TMEM38B: variants seen among roughly 807,000 people sequenced by gnomAD.
The protein encoded by TMEM38B is trimeric intracellular cation channel type B.
Under a neutral mutation model 28.7 loss-of-function variants are expected in TMEM38B, and 24 were observed. The ratio of observed to expected loss-of-function variants is 0.84; its 90% confidence interval spans 0.61 to 1.18. The LOEUF (loss-of-function observed/expected upper bound fraction) is 1.18. Among genes scored for constraint, TMEM38B ranks in the 50% most tolerant of loss-of-function variants. The pLI is 0.00. For synonymous variants in TMEM38B, 131 were observed against 127.7 expected (o/e 1.03, Z -0.17); for missense variants, 380 against 350.9 (o/e 1.08, Z -0.66).
intron 5 of TMEM38B, among the ~76,000 whole-genome samples, chr9:105,762,258 A>T (rs55831325): frequency 0.1 from 15,746 of 151,510 alleles, 1,263 homozygotes; most frequent in East Asian, 0.46. Context: ...TTTTTTTTTT[A>T]AATTTATTAT....
At chr9:105,722,471 C>T (rs1200905816) in intron 3 of TMEM38B, 63 bp from the exon 4 acceptor site, 8 of 1,255,688 alleles carry the variant, frequency 6.4e-6, no homozygotes, top group Non-Finnish European at 9.3e-6. Context: ...ATTATGGCTC[C>T]CTTTAAATAT....
In TMEM38B at chr9:105,694,764, G is replaced by A. The variant is rs533512053; in HGVS notation, c.104G>A (p.Arg35His). The A allele has an allele frequency of 1.2e-6, 2 of 1,611,554 alleles. No homozygotes were observed. Among genetic ancestry groups the A allele is most frequent in the South Asian group, 2.2e-5 (2 of 90,966 alleles). The change falls in exon 1 of 6, where the codon CGT (arginine) becomes CAT (histidine). Residue 35 changes from arginine to histidine, a missense_variant. Arg to His is a conservative substitution (Grantham distance 29). Transcript: ENST00000374692. Reference protein sequence around the residue: ...HYLVSVMAVKRQPGAAALAWK... With the variant: ...HYLVSVMAVKHQPGAAALAWK... ...CTAGTGTCAGTGATGGCGGTGAAAC[G>A]TCAGCCGGGTGAGTGCGGGGCGCCG...
Position 105,721,568 on chromosome 9 carries a change from G to C in TMEM38B, c.301G>C (p.Val101Leu), listed in dbSNP as rs772484301. Reference protein sequence around the residue: ...YITFFCPHDLVSQGYSYLPVQ... With the variant: ...YITFFCPHDLLSQGYSYLPVQ... ...TACATTTTTTTGCCCGCATGACCTA[G>C]TTTCCCAGGGCTATTCATATCTACC... The change falls in exon 3 of 6, where the codon GTT becomes CTT. Residue 101 changes from valine (V) to leucine (L), a missense_variant. Coordinates refer to ENST00000374692, the MANE Select transcript of TMEM38B (RefSeq NM_018112.3). 9 of 1,605,456 alleles carry C rather than the reference G, an allele frequency of 5.6e-6. No individual in the cohort carries two copies. In the African/African-American group the frequency reaches 9.4e-5, roughly 17 times the overall value.
At chr9:105,746,219 A>C (rs1449456006) in intron 4 of TMEM38B, among the ~76,000 whole-genome samples, 1 of 140,414 alleles carries the variant, frequency 7.1e-6, no homozygotes, top group Non-Finnish European at 1.5e-5. Flanking sequence ...ATGAGCATGG[A>C]ATGTTCTTCC....
At chr9:105,718,527 C>T (rs1451951838) in intron 2 of TMEM38B, among the ~76,000 whole-genome samples, 2 of 152,140 alleles carry the variant, frequency 1.3e-5, no homozygotes, top group Non-Finnish European at 2.9e-5. Context: ...CATGAGCCAC[C>T]GTGCCCTGCC....
At chr9:105,742,132 T>C (rs774542803) in intron 4 of TMEM38B, among the ~76,000 whole-genome samples, 53 of 152,288 alleles carry the variant, frequency 3.5e-4, no homozygotes, top group Non-Finnish European at 6.5e-4. Context: ...GAAAGAAGGC[T>C]GTCAGACTTT....
At chr9:105,696,030 T>G (rs942053826) in intron 1 of TMEM38B, among the ~76,000 whole-genome samples, 1 of 152,254 alleles carries the variant, frequency 6.6e-6, no homozygotes, top group African/African-American at 2.4e-5. Flanking sequence ...TGGGATTCTC[T>G]GACACTGCCA....
rs796913370 is a variant in TMEM38B, at chr9:105,775,817, T to A, written c.*1737T>A. 21 of 152,284 alleles carry A rather than the reference T, an allele frequency of 1.4e-4. 1 individual carries two copies. Among genetic ancestry groups the A allele is most frequent in the African/African-American group, 4.8e-4 (20 of 41,574 alleles). The allele number at this position is 152,284 out of a possible 1,614,324, so 9.4% of individuals were successfully genotyped here. ...ATTAAAATAAGTTATTTAGCACCAATGGAGTATTACATTATTTTTATGTTT... is the reference window on the plus strand; with the variant it reads ...ATTAAAATAAGTTATTTAGCACCAAAGGAGTATTACATTATTTTTATGTTT... On this transcript the variant is annotated 3_prime_UTR_variant, in exon 6 of 6. Transcript: ENST00000374692.
chr9:105,750,350 AC>A (rs546373544), intron 5 of TMEM38B, among the ~76,000 whole-genome samples: 2 of 152,116 alleles, frequency 1.3e-5, no homozygotes, highest in Non-Finnish European at 1.5e-5. Context: ...AAGGCCGGGC[AC>A]AGTGGCTCAC....
intron 4 of TMEM38B, among the ~76,000 whole-genome samples, chr9:105,728,381 T>A (rs767392103): frequency 6.6e-6 from 1 of 152,182 alleles, no homozygotes; most frequent in Non-Finnish European, 1.5e-5. Flanking sequence ...CTGAGAATGA[T>A]GATTTACAGC....
chr9:105,768,201 CTT>C (rs900988688), intron 5 of TMEM38B, among the ~76,000 whole-genome samples: 4 of 152,032 alleles, frequency 2.6e-5, no homozygotes, highest in Non-Finnish European at 4.4e-5. Context: ...GGGGTTTTCT[CTT>C]ATATTCTGTT....
intron 1 of TMEM38B, among the ~76,000 whole-genome samples, chr9:105,696,655 A>G (rs1835300453): frequency 6.6e-6 from 1 of 152,242 alleles, no homozygotes; most frequent in Non-Finnish European, 1.5e-5. Context: ...TCTTAGAAAG[A>G]AACCTTTAAA....
At chr9:105,739,084 A>G (rs1198471582) in intron 4 of TMEM38B, among the ~76,000 whole-genome samples, 1 of 152,054 alleles carries the variant, frequency 6.6e-6, no homozygotes, top group African/African-American at 2.4e-5. Context: ...ATGTGGATGT[A>G]TAGTTGTCCT....
At chr9:105,701,297 C>T (rs1835453257) in intron 1 of TMEM38B, 1 of 152,096 alleles carries the variant, frequency 6.6e-6, no homozygotes, top group African/African-American at 2.4e-5. Flanking sequence ...TGCTACTTGC[C>T]AGTCTTCAGA....
chr9:105,765,140 G>C (rs367666607), intron 5 of TMEM38B, among the ~76,000 whole-genome samples: 1 of 152,120 alleles, frequency 6.6e-6, no homozygotes, highest in African/African-American at 2.4e-5. Flanking sequence ...TTCTTTCTAA[G>C]GCATTTGTAT....
chr9:105,760,430 T>C (rs372008928), intron 5 of TMEM38B: 60 of 741,298 alleles, frequency 8.1e-5, no homozygotes, highest in Admixed American at 7.0e-4. Context: ...AAGGGACATA[T>C]TGAAAATCCT....
chr9:105,733,295 A>C (rs1836835525), intron 4 of TMEM38B, among the ~76,000 whole-genome samples: 1 of 152,192 alleles, frequency 6.6e-6, no homozygotes, highest in African/African-American at 2.4e-5. Flanking sequence ...CAACACAAAC[A>C]GCCATCTCTT....
At chr9:105,758,692 GA>G in intron 5 of TMEM38B, 1 of 751,866 alleles carries the variant, frequency 1.3e-6, no homozygotes, top group East Asian at 2.5e-5. Context: ...CCAGAATTGA[GA>G]AAAAACAACA....
At chr9:105,728,811 G>T (rs10125446) in intron 4 of TMEM38B, among the ~76,000 whole-genome samples, 31,777 of 152,050 alleles carry the variant, frequency 0.21, 5,142 homozygotes, top group East Asian at 0.47. Context: ...GTTTTGATTT[G>T]CATTTCTCTC....
Sources: allele counts gnomAD v4.1 joint callset (sites outside exome capture counted in the v4.1 genomes callset), GRCh38; gene constraint gnomAD v4.1.1; transcripts MANE v1.5; gene names NCBI Gene and HGNC (gene_info 2026-07-23, HGNC 2026-07-21).